The following IMPG1 variants were observed in gnomAD, a reference collection of about 807,000 sequenced individuals.
IMPG1 encodes interphotoreceptor matrix proteoglycan of 150 kDa.
In IMPG1, 85 loss-of-function variants were observed where a neutral mutation model predicts 92.0. That is an observed-to-expected ratio of 0.92 (90% CI 0.78 to 1.11). The LOEUF (loss-of-function observed/expected upper bound fraction) is 1.11. Ranked by LOEUF, IMPG1 falls within the 50% of genes least tolerant of loss-of-function variation. The pLI is 0.00. For synonymous variants in IMPG1, 367 were observed against 334.1 expected, an observed-to-expected ratio of 1.10 and a Z score of -1.08; for missense variants, 1,022 against 956.0, an observed-to-expected ratio of 1.07 and a Z score of -0.91.
chr6:75,983,890 A>G (rs1782670238), intron 12 of IMPG1, among the ~76,000 whole-genome samples: 1 of 152,178 alleles, frequency 6.6e-6, no homozygotes, highest in African/African-American at 2.4e-5. Context: ...AAATAACCTG[A>G]CTAAAAAATG....
chr6:75,958,039 G>A (rs1277316624), intron 12 of IMPG1, among the ~76,000 whole-genome samples: 3 of 152,214 alleles, frequency 2.0e-5, no homozygotes, highest in Non-Finnish European at 4.4e-5. Flanking sequence ...TGCAGCGGCT[G>A]TTACCAGTTG....
intron 14 of IMPG1, among the ~76,000 whole-genome samples, chr6:75,934,603 A>G (rs555873669): frequency 1.3e-5 from 2 of 152,328 alleles, no homozygotes; most frequent in East Asian, 3.9e-4. Context: ...CCTTTTCATC[A>G]AAAAGTTTAT....
At chr6:75,945,911 C>T (rs1264331934) in intron 14 of IMPG1, among the ~76,000 whole-genome samples, 5 of 152,198 alleles carry the variant, frequency 3.3e-5, no homozygotes, top group African/African-American at 9.7e-5. Flanking sequence ...TGGCTCCTCA[C>T]GTTGACCTTC....
rs746659380 is a variant in IMPG1, at chr6:76,025,288, G to A, written c.498-30C>T. 1.5e-5 allele frequency: 20 copies of A among 1,305,690 alleles called. No individual in the cohort carries two copies. The East Asian group carries it at 3.5e-4, about 23-fold the overall frequency. The allele number at this position is 1,305,690 out of a possible 1,614,324, so 80.9% of individuals were successfully genotyped here. On this transcript the variant is annotated intron_variant, in intron 4 of 16. Transcript: ENST00000369950. ...TAGTACAATAGAAAAGAAGGAAGAG[G>A]TGGTGAAAGAGAACTTGATGACAGT...
At chr6:76,017,531 A>G (rs1783311424) in intron 7 of IMPG1, among the ~76,000 whole-genome samples, 1 of 152,242 alleles carries the variant, frequency 6.6e-6, no homozygotes, top group Non-Finnish European at 1.5e-5. Context: ...CTTGGTGCCT[A>G]CATAGTCATT....
chr6:75,942,805 G>A (rs1401531095), intron 14 of IMPG1, among the ~76,000 whole-genome samples: 1 of 152,114 alleles, frequency 6.6e-6, no homozygotes, highest in Non-Finnish European at 1.5e-5. Context: ...AAAATCATCT[G>A]CACATTTTCC....
At position 75,965,854 on chromosome 6, in the gene IMPG1, G is replaced by A. The variant is rs149537170; in HGVS notation, c.1292-14760C>T. Among the ~76,000 whole-genome samples, 583 of 152,118 alleles carry A rather than the reference G, an allele frequency of 3.8e-3. 2 individuals carry two copies. The highest frequency in any genetic ancestry group is 0.024 in the Middle Eastern group (7 of 294). On this transcript the variant is annotated intron_variant, in intron 12 of 16. Transcript: ENST00000369950. ...GATCTCCTGACCTTGTGATCTGCCC[G>A]CCTTGGCCTCCCAAAGTGCTAGGAT...
At chr6:76,026,844 C>G (rs942388203) in intron 4 of IMPG1, among the ~76,000 whole-genome samples, 1 of 152,160 alleles carries the variant, frequency 6.6e-6, no homozygotes, top group African/African-American at 2.4e-5. Flanking sequence ...TAAATCAAGC[C>G]TCCATTTTGT....
chr6:76,044,092 T>C (rs1398474961), intron 1 of IMPG1, among the ~76,000 whole-genome samples: 2 of 152,184 alleles, frequency 1.3e-5, no homozygotes, highest in African/African-American at 4.8e-5. Flanking sequence ...GAACCAGTTT[T>C]TCGTGAGTCA....
At chr6:76,055,175 C>G (rs1784100783) in intron 1 of IMPG1, among the ~76,000 whole-genome samples, 1 of 151,824 alleles carries the variant, frequency 6.6e-6, no homozygotes, top group Non-Finnish European at 1.5e-5. Flanking sequence ...TACTAAAATT[C>G]AAATCTGAAT....
At chr6:76,006,561 T>C (rs545806303) in intron 9 of IMPG1, among the ~76,000 whole-genome samples, 3 of 150,868 alleles carry the variant, frequency 2.0e-5, no homozygotes, top group East Asian at 1.9e-4. Context: ...TATATATATA[T>C]ACATATGTGT....
chr6:75,934,273 A>G (rs529081421), intron 14 of IMPG1, among the ~76,000 whole-genome samples: 5 of 152,328 alleles, frequency 3.3e-5, no homozygotes, highest in East Asian at 3.9e-4. Context: ...AGTGGCTCCA[A>G]TGTTTTTTCC....
At chr6:76,055,615 C>G (rs986038856) in intron 1 of IMPG1, among the ~76,000 whole-genome samples, 1 of 151,712 alleles carries the variant, frequency 6.6e-6, no homozygotes, top group South Asian at 2.1e-4. Context: ...AAAAGTCAAA[C>G]TTTTTTGGAA....
chr6:76,050,325 C>A (rs151230951), intron 1 of IMPG1, among the ~76,000 whole-genome samples: 3,444 of 152,172 alleles, frequency 0.023, 114 homozygotes, highest in African/African-American at 0.076. Flanking sequence ...CCCCTGTAAT[C>A]CCAGCTACTT....
chr6:75,941,619 GACTC>G (rs1781837547), intron 14 of IMPG1, among the ~76,000 whole-genome samples: 1 of 152,200 alleles, frequency 6.6e-6, no homozygotes, highest in African/African-American at 2.4e-5. Flanking sequence ...AACTTTGTTT[GACTC>G]ACTATTTACT....
chr6:75,976,971 A>T, intron 12 of IMPG1, among the ~76,000 whole-genome samples: 1 of 152,028 alleles, frequency 6.6e-6, no homozygotes, highest in East Asian at 1.9e-4. Context: ...GTAGGACCTC[A>T]GGAGAGGGCC....
chr6:76,029,469 G>A (rs1783615928), intron 4 of IMPG1, among the ~76,000 whole-genome samples: 1 of 152,188 alleles, frequency 6.6e-6, no homozygotes, highest in Non-Finnish European at 1.5e-5. Flanking sequence ...TGGAGAGAGG[G>A]AAATTATGTT....
Position 76,025,211 on chromosome 6 carries a change from G to T in IMPG1, c.545C>A (p.Thr182Asn). 2 of 1,600,710 alleles carry T rather than the reference G, an allele frequency of 1.2e-6. No individual in the cohort carries two copies. The highest frequency in any genetic ancestry group is 1.7e-6 in the Non-Finnish European group (2 of 1,168,996). ...AAGCTTACCTGTTGAAATGACAATG[G>T]TTTCACCAGGCTCTCCCAATGTCTT... is the stretch of plus-strand genomic sequence containing the variant. ...AEKTLGEPGE[T>N]IVISTDVANV... The change falls in exon 5 of 17, where the codon ACC (threonine) becomes AAC (asparagine). Residue 182 changes from threonine (T) to asparagine (N), a missense_variant. Physicochemically the swap from Thr to Asn is moderately conservative, Grantham distance 65 (BLOSUM62 0). Transcript: ENST00000369950.
intron 12 of IMPG1, among the ~76,000 whole-genome samples, chr6:75,968,607 T>A (rs1782350386): frequency 6.6e-6 from 1 of 152,122 alleles, no homozygotes; most frequent in African/African-American, 2.4e-5. Flanking sequence ...CTCCATCATT[T>A]ACTATTTTTC....
Sources: gnomAD v4.1 joint callset for allele counts (sites outside exome capture counted in the v4.1 genomes callset) on GRCh38, gnomAD v4.1.1 for gene constraint, MANE v1.5 for transcripts, NCBI Gene and HGNC (gene_info 2026-07-23, HGNC 2026-07-21) for gene names.